Variants in TMEM132B observed in about 807,000 individuals in gnomAD.
The protein encoded by TMEM132B is transmembrane protein 132B.
In TMEM132B, 18 loss-of-function variants were observed where a neutral mutation model predicts 90.8. The ratio of observed to expected loss-of-function variants is 0.20; its 90% CI spans 0.14 to 0.29. The LOEUF (loss-of-function observed/expected upper bound fraction) is 0.29, where lower values mean the gene tolerates loss of function less well. TMEM132B is among the 10% of genes least tolerant of loss of function. The probability of loss-of-function intolerance (pLI) is 1.00; values close to 1 mark genes in which losing one functional copy is unlikely to be tolerated. For synonymous variants in TMEM132B, 504 were observed against 523.3 expected (o/e 0.96, Z 0.50); for missense variants, 1,096 against 1,326.8 (o/e 0.83, Z 2.70).
chr12:125,342,483 G>C (rs549371385), intron 1 of TMEM132B, among the ~76,000 whole-genome samples: 4 of 152,282 alleles, frequency 2.6e-5, no homozygotes, highest in African/African-American at 7.2e-5. Context: ...GATGCTAGGG[G>C]TGGGTCTCTG....
rs1268653478 is a variant in TMEM132B, at chr12:125,659,475, G to A, written c.*4765G>A. 2 of 152,326 alleles carry A rather than the reference G, an allele frequency of 1.3e-5. No individual in the cohort carries two copies. The highest frequency in any genetic ancestry group is 3.9e-4 in the East Asian group (2 of 5,192). The allele number at this position is 152,326 out of a possible 1,614,324, so 9.4% of individuals were successfully genotyped here. Reference sequence around the variant, plus strand: ...CCAGGGTGCTGAGCTTTCCAGAACAGGCAGAGCTCTAGAGACCTAAGAAAA... The same window carrying A: ...CCAGGGTGCTGAGCTTTCCAGAACAAGCAGAGCTCTAGAGACCTAAGAAAA... On this transcript the variant is annotated 3_prime_UTR_variant, in exon 9 of 9. Coordinates refer to ENST00000682704, the MANE Select transcript of TMEM132B (RefSeq NM_001366854.1).
chr12:125,647,034 T>A (rs1424845962), intron 6 of TMEM132B, among the ~76,000 whole-genome samples: 1 of 152,058 alleles, frequency 6.6e-6, no homozygotes, highest in Non-Finnish European at 1.5e-5. Context: ...AAGAACCAGA[T>A]GTAAATTATA....
chr12:125,446,621 C>T (rs1171192140), intron 3 of TMEM132B, among the ~76,000 whole-genome samples: 1 of 152,136 alleles, frequency 6.6e-6, no homozygotes, highest in African/African-American at 2.4e-5. Context: ...GGGAAGACTA[C>T]AAGAGATGAA....
intron 1 of TMEM132B, among the ~76,000 whole-genome samples, chr12:125,224,338 G>C (rs1873628124): frequency 2.6e-5 from 4 of 152,196 alleles, no homozygotes; most frequent in African/African-American, 9.7e-5. Flanking sequence ...GAATTGCCGG[G>C]TCATAGGGTA....
At chr12:125,358,399 T>A (rs74397563) in intron 2 of TMEM132B, among the ~76,000 whole-genome samples, 2 of 151,924 alleles carry the variant, frequency 1.3e-5, no homozygotes, top group African/African-American at 4.9e-5. Flanking sequence ...GGTATATTGT[T>A]ATTTAACAGA....
At chr12:125,285,070 A>G (rs189003895) in intron 1 of TMEM132B, among the ~76,000 whole-genome samples, 80 of 152,302 alleles carry the variant, frequency 5.3e-4, no homozygotes, top group African/African-American at 1.9e-3. Flanking sequence ...GGTTGGAGGG[A>G]AAAAGAAAAC....
intron 1 of TMEM132B, among the ~76,000 whole-genome samples, chr12:125,298,600 G>A (rs1875729762): frequency 6.9e-6 from 1 of 145,248 alleles, no homozygotes; most frequent in South Asian, 2.2e-4. Context: ...CTTGAACCCG[G>A]GAGGCAGAGT....
chr12:125,254,563 C>T (rs1874390030), intron 1 of TMEM132B, among the ~76,000 whole-genome samples: 1 of 152,134 alleles, frequency 6.6e-6, no homozygotes, highest in South Asian at 2.1e-4. Flanking sequence ...CACAAAGACC[C>T]TGCGAGATTG....
chr12:125,533,042 T>G (rs1342535462), intron 4 of TMEM132B, among the ~76,000 whole-genome samples: 2 of 152,126 alleles, frequency 1.3e-5, no homozygotes, highest in Non-Finnish European at 2.9e-5. Context: ...AAGGGCCCCT[T>G]CTCCACAGCT....
chr12:125,357,122 C>T (rs1382245912), intron 2 of TMEM132B, among the ~76,000 whole-genome samples: 3 of 152,092 alleles, frequency 2.0e-5, no homozygotes, highest in East Asian at 3.9e-4. Context: ...AGGCATTGTT[C>T]CCAGATAAAG....
chr12:125,638,685 C>T (rs1280116958), intron 5 of TMEM132B, among the ~76,000 whole-genome samples: 1 of 151,984 alleles, frequency 6.6e-6, no homozygotes, highest in Admixed American at 6.6e-5. Context: ...CAGTCAGCCT[C>T]CCATCAGGGC....
intron 1 of TMEM132B, among the ~76,000 whole-genome samples, chr12:125,325,668 CCTGT>C (rs1427549659): frequency 0.031 from 4,385 of 139,316 alleles, 140 homozygotes; most frequent in East Asian, 0.059. Context: ...TGCCTCCCAC[CCTGT>C]GTGTGTGTGT....
chr12:125,533,796 C>A (rs544724759), intron 4 of TMEM132B, among the ~76,000 whole-genome samples: 1 of 152,342 alleles, frequency 6.6e-6, no homozygotes, highest in African/African-American at 2.4e-5. Flanking sequence ...TCCTGCAGCC[C>A]GAGCCAGCGC....
chr12:125,607,036 G>A (rs566323771), intron 5 of TMEM132B, among the ~76,000 whole-genome samples: 8 of 152,292 alleles, frequency 5.3e-5, no homozygotes, highest in Admixed American at 1.3e-4. Context: ...ACACCCGGGA[G>A]TCCCACTGCA....
intron 3 of TMEM132B, among the ~76,000 whole-genome samples, chr12:125,514,812 C>T (rs1883066152): frequency 6.6e-6 from 1 of 152,148 alleles, no homozygotes; most frequent in South Asian, 2.1e-4. Context: ...GAGGAACAGC[C>T]GCATGTGGTC....
intron 4 of TMEM132B, among the ~76,000 whole-genome samples, chr12:125,580,220 G>A (rs1447555987): frequency 6.6e-6 from 1 of 152,064 alleles, no homozygotes; most frequent in East Asian, 1.9e-4. Flanking sequence ...AGATTCCCAG[G>A]AATATGTCAT....
chr12:125,474,808 C>A (rs1444507762), intron 3 of TMEM132B, among the ~76,000 whole-genome samples: 1 of 152,150 alleles, frequency 6.6e-6, no homozygotes, highest in Non-Finnish European at 1.5e-5. Flanking sequence ...CTGGGCTCTG[C>A]CTACTGTGGA....
At chr12:125,572,370 C>G (rs144391835) in intron 4 of TMEM132B, among the ~76,000 whole-genome samples, 251 of 152,304 alleles carry the variant, frequency 1.6e-3, no homozygotes, top group Middle Eastern at 3.4e-3. Context: ...AGGGATTGAC[C>G]AAGAAGTTCA....
chr12:125,622,905 T>C (rs968433399), intron 5 of TMEM132B, among the ~76,000 whole-genome samples: 12 of 152,106 alleles, frequency 7.9e-5, no homozygotes, highest in African/African-American at 1.9e-4. Context: ...TCAAAACAAG[T>C]TTAGAAAACA....
Sources: gnomAD v4.1 joint callset for allele counts (sites outside exome capture counted in the v4.1 genomes callset) on GRCh38, gnomAD v4.1.1 for gene constraint, MANE v1.5 for transcripts, NCBI Gene and HGNC (gene_info 2026-07-23, HGNC 2026-07-21) for gene names.